The following CNBD1 variants were observed in gnomAD, a reference collection of about 807,000 sequenced individuals.
The protein encoded by CNBD1 is cyclic nucleotide binding domain containing 1.
A neutral mutation model predicts 54.4 loss-of-function variants in CNBD1; 71 were observed. The ratio of observed to expected loss-of-function variants is 1.30; its 90% CI spans 1.08 to 1.59. The LOEUF (loss-of-function observed/expected upper bound fraction) is 1.59, where lower values mean the gene tolerates loss of function less well. Among genes scored for constraint, CNBD1 ranks in the 40% most tolerant of loss-of-function variants. The pLI is 0.00. For synonymous variants in CNBD1, 182 were observed against 170.7 expected, an observed-to-expected ratio of 1.07 and a Z score of -0.51; for missense variants, 659 against 518.0, an observed-to-expected ratio of 1.27 and a Z score of -2.64.
chr8:86,955,367 C>CATAG (rs1807737745), intron 4 of CNBD1, among the ~76,000 whole-genome samples: 1 of 152,260 alleles, frequency 6.6e-6, no homozygotes, highest in Admixed American at 6.5e-5. Context: ...ATGCCTGGGT[C>CATAG]AAATGGTATT....
intron 1 of CNBD1, among the ~76,000 whole-genome samples, chr8:86,882,415 G>A (rs1808619012): frequency 6.6e-6 from 1 of 152,038 alleles, no homozygotes; most frequent in Non-Finnish European, 1.5e-5. Context: ...ACAATCATAT[G>A]GAAAAAAGCT....
At chr8:86,889,223 A>G (rs1323255412) in intron 2 of CNBD1, among the ~76,000 whole-genome samples, 1 of 152,202 alleles carries the variant, frequency 6.6e-6, no homozygotes, top group Admixed American at 6.5e-5. Flanking sequence ...AGTTACAAAT[A>G]CAAAATCAGA....
At chr8:87,137,214 A>T (rs1338347904) in intron 4 of CNBD1, among the ~76,000 whole-genome samples, 11 of 144,774 alleles carry the variant, frequency 7.6e-5, no homozygotes, top group Admixed American at 2.9e-4. Flanking sequence ...TATTATATTT[A>T]TATTCTATAT....
At chr8:87,034,086 C>T (rs1809855148) in intron 4 of CNBD1, among the ~76,000 whole-genome samples, 1 of 152,134 alleles carries the variant, frequency 6.6e-6, no homozygotes, top group African/African-American at 2.4e-5. Flanking sequence ...GTGAGAGCTT[C>T]AGTAATTTTC....
intron 2 of CNBD1, among the ~76,000 whole-genome samples, chr8:87,421,115 G>C (rs1437621460): frequency 6.6e-6 from 1 of 151,632 alleles, no homozygotes; most frequent in East Asian, 1.9e-4. Context: ...ATATAGTTTG[G>C]GTTGTATTGA....
At chr8:87,172,094 T>C (rs1813100666) in intron 4 of CNBD1, among the ~76,000 whole-genome samples, 1 of 152,094 alleles carries the variant, frequency 6.6e-6, no homozygotes, top group African/African-American at 2.4e-5. Flanking sequence ...CAATGGACAT[T>C]CAGGAGCATA....
intron 2 of CNBD1, among the ~76,000 whole-genome samples, chr8:87,420,089 T>C (rs1005136815): frequency 6.6e-6 from 1 of 151,764 alleles, no homozygotes; most frequent in African/African-American, 2.4e-5. Flanking sequence ...TAACAAAGTG[T>C]TAATATACCT....
At chr8:86,909,615 G>A (rs1809070676) in intron 3 of CNBD1, among the ~76,000 whole-genome samples, 1 of 152,058 alleles carries the variant, frequency 6.6e-6, no homozygotes, top group Non-Finnish European at 1.5e-5. Flanking sequence ...CCATGTTGGT[G>A]TGCAACATTG....
chr8:87,303,599 AC>A (rs1282696337), intron 8 of CNBD1, among the ~76,000 whole-genome samples: 1 of 152,058 alleles, frequency 6.6e-6, no homozygotes, highest in Non-Finnish European at 1.5e-5. Context: ...TGTCTAAAAC[AC>A]AAAAAGCAAT....
At chr8:87,273,419 TGTTGTTCCAG>T (rs1808408911) in intron 6 of CNBD1, among the ~76,000 whole-genome samples, 1 of 151,980 alleles carries the variant, frequency 6.6e-6, no homozygotes, top group Non-Finnish European at 1.5e-5. Flanking sequence ...AAAGGGAGAC[TGTTGTTCCAG>T]TCAATGCTGA....
intron 3 of CNBD1, among the ~76,000 whole-genome samples, chr8:86,936,139 A>G (rs951016496): frequency 5.9e-5 from 9 of 152,182 alleles, no homozygotes; most frequent in Admixed American, 5.9e-4. Flanking sequence ...CTTCTCAAAA[A>G]AAAATGCATT....
chr8:87,354,070 T>C (rs561940477), intron 10 of CNBD1, among the ~76,000 whole-genome samples: 2 of 152,122 alleles, frequency 1.3e-5, no homozygotes, highest in African/African-American at 4.8e-5. Flanking sequence ...TGAGGCTTGG[T>C]CTCCTGGTCC....
intron 4 of CNBD1, among the ~76,000 whole-genome samples, chr8:86,966,741 G>A (rs1808085046): frequency 6.6e-6 from 1 of 152,206 alleles, no homozygotes; most frequent in Non-Finnish European, 1.5e-5. Flanking sequence ...CGTTTGTGGT[G>A]AGTGTTACAG....
At chr8:87,391,275 C>G (rs551297488) in intron 2 of CNBD1, among the ~76,000 whole-genome samples, 2 of 151,630 alleles carry the variant, frequency 1.3e-5, no homozygotes, top group African/African-American at 4.8e-5. Flanking sequence ...AAAAAGATAA[C>G]GATTGCAGAT....
chr8:87,008,464 A>C (rs942827232), intron 4 of CNBD1, among the ~76,000 whole-genome samples: 2 of 152,202 alleles, frequency 1.3e-5, no homozygotes, highest in African/African-American at 4.8e-5. Flanking sequence ...GGTGGGTCTT[A>C]GAAGTCCTTT....
chr8:87,291,375 T>C (rs992724657), intron 8 of CNBD1, among the ~76,000 whole-genome samples: 1 of 152,166 alleles, frequency 6.6e-6, no homozygotes, highest in Admixed American at 6.6e-5. Context: ...ATTGAGATTC[T>C]ATTGCTCTTT....
At chr8:87,394,892 A>C (rs1811381711) in intron 2 of CNBD1, among the ~76,000 whole-genome samples, 1 of 151,828 alleles carries the variant, frequency 6.6e-6, no homozygotes, top group Non-Finnish European at 1.5e-5. Flanking sequence ...CTCTGTTACT[A>C]CCAAAATAAA....
At chr8:87,281,511 G>A (rs1808595740) in intron 6 of CNBD1, among the ~76,000 whole-genome samples, 1 of 109,578 alleles carries the variant, frequency 9.1e-6, no homozygotes, top group Non-Finnish European at 1.9e-5. Flanking sequence ...TCTACTATTT[G>A]TTTTTTTCAT....
At chr8:87,414,068 C>T (rs1807796958) in intron 2 of CNBD1, among the ~76,000 whole-genome samples, 5 of 152,134 alleles carry the variant, frequency 3.3e-5, no homozygotes, top group Admixed American at 2.6e-4. Context: ...AAGACACATG[C>T]ACACATATGT....
Sources: gnomAD v4.1 joint callset for allele counts (sites outside exome capture counted in the v4.1 genomes callset) on GRCh38, gnomAD v4.1.1 for gene constraint, MANE v1.5 for transcripts, NCBI Gene and HGNC (gene_info 2026-07-23, HGNC 2026-07-21) for gene names.